The following CHP1 variants were observed in gnomAD, a reference collection of about 807,000 sequenced individuals.
CHP1 encodes the protein calcineurin like EF-hand protein 1, also known as calcineurin B homologous protein 1.
A neutral mutation model predicts 27.4 loss-of-function variants in CHP1; 11 were observed. The ratio of observed to expected loss-of-function variants is 0.40; its 90% CI spans 0.25 to 0.67. CHP1 has a LOEUF of 0.67. Among genes scored for constraint, CHP1 ranks in the 30% least tolerant of loss-of-function variants. CHP1 has a pLI of 0.38. For synonymous variants in CHP1, 89 were observed against 87.4 expected (o/e 1.02, Z -0.10); for missense variants, 169 against 251.3 (o/e 0.67, Z 2.22).
chr15:41,237,355 C>T lies in CHP1; in HGVS notation c.67+5906C>T, dbSNP rs1422308124. On this transcript the variant is annotated intron_variant, in intron 1 of 6. Coordinates refer to ENST00000334660, the MANE Select transcript of CHP1 (RefSeq NM_007236.5). ...TAGATACGAGGTTTTACCATGTTGG[C>T]CAGGCTGGTCTCGAACTCCTAACCT... Among the ~76,000 whole-genome samples, 3 of 151,998 alleles carry T rather than the reference C, an allele frequency of 2.0e-5. No individual in the cohort carries two copies. In the East Asian group the frequency reaches 5.8e-4, roughly 29 times the overall value.
At chr15:41,267,328 G>T (rs1280385078) in intron 4 of CHP1, among the ~76,000 whole-genome samples, 2 of 151,816 alleles carry the variant, frequency 1.3e-5, no homozygotes, top group Non-Finnish European at 2.9e-5. Flanking sequence ...TGTAGAAAAG[G>T]TTTAAATGAT....
chr15:41,251,016 G>T (rs1004656046), intron 2 of CHP1, among the ~76,000 whole-genome samples: 1 of 151,902 alleles, frequency 6.6e-6, no homozygotes, highest in Admixed American at 6.6e-5. Flanking sequence ...TTTATTTTTA[G>T]TAGAGACGGG....
intron 4 of CHP1, among the ~76,000 whole-genome samples, chr15:41,265,646 G>C (rs1402839353): frequency 5.9e-5 from 9 of 151,656 alleles, no homozygotes; most frequent in Non-Finnish European, 1.3e-4. Context: ...GGGGGGCAGA[G>C]GTTGCAGTTA....
chr15:41,254,155 C>T (rs1295460579), intron 2 of CHP1, among the ~76,000 whole-genome samples: 1 of 152,076 alleles, frequency 6.6e-6, no homozygotes. Flanking sequence ...ACTGGAACTA[C>T]ATTATATATA....
chr15:41,234,090 C>T (rs961139483), intron 1 of CHP1: 10 of 152,210 alleles, frequency 6.6e-5, no homozygotes, highest in Admixed American at 3.3e-4. Context: ...GCTAGGACTA[C>T]AGGCGCATAC....
chr15:41,261,066 A>AATTG (rs1158363447), intron 3 of CHP1, among the ~76,000 whole-genome samples: 3 of 151,452 alleles, frequency 2.0e-5, no homozygotes, highest in Admixed American at 2.0e-4. Flanking sequence ...TTGATTGATT[A>AATTG]ATTGATTGAT....
chr15:41,255,587 C>A (rs1044915023), intron 2 of CHP1, among the ~76,000 whole-genome samples: 6 of 152,082 alleles, frequency 3.9e-5, no homozygotes, highest in African/African-American at 1.4e-4. Context: ...GCAGTAGAAT[C>A]GCTTGAACCC....
At position 41,232,903 on chromosome 15, in the gene CHP1, AG is replaced by A. The variant is rs138767634; in HGVS notation, c.67+1457del. ...AACTTTCTGGAGTTTTCAAGTTGGA[AG>A]GGATGTTTTCTAGCCCCACCCCTTT... On this transcript the variant is annotated intron_variant, in intron 1 of 6. Transcript: ENST00000334660. Among the ~76,000 whole-genome samples the A allele has an allele frequency of 6.0e-3, 910 of 152,260 alleles. 5 individuals are homozygous for A. The highest frequency in any genetic ancestry group is 0.017 in the Middle Eastern group (5 of 294).
chr15:41,231,445 C>G lies in CHP1; in HGVS notation c.63C>G (p.Thr21=). Reference sequence around the variant, plus strand: ...AGCTCGAGGAGATCAAGAAGGAGACCGGCTGTGAGTTCGGGTTGGGGGTGG... The same window carrying G: ...AGCTCGAGGAGATCAAGAAGGAGACGGGCTGTGAGTTCGGGTTGGGGGTGG... ...DEELEEIKKE[T]GFSHSQITRL... The change falls in exon 1 of 7, where the codon ACC becomes ACG. Residue 21 remains threonine, a synonymous_variant. Coordinates refer to ENST00000334660, the MANE Select transcript of CHP1 (RefSeq NM_007236.5). The G allele has an allele frequency of 6.2e-7, 1 of 1,601,160 alleles. No individual in the cohort carries two copies. The highest frequency in any genetic ancestry group is 8.5e-7 in the Non-Finnish European group (1 of 1,175,224).
chr15:41,268,141 A>G (rs563890187), intron 4 of CHP1, among the ~76,000 whole-genome samples: 2 of 152,318 alleles, frequency 1.3e-5, no homozygotes, highest in African/African-American at 2.4e-5. Flanking sequence ...AGACGGGTGA[A>G]TAAACAAGAT....
intron 1 of CHP1, among the ~76,000 whole-genome samples, chr15:41,236,315 G>A (rs1402892420): frequency 6.6e-6 from 1 of 152,098 alleles, no homozygotes; most frequent in Non-Finnish European, 1.5e-5. Context: ...AGGCTGGAGT[G>A]CAATGGCATG....
At chr15:41,245,771 T>C (rs149266143) in intron 2 of CHP1, among the ~76,000 whole-genome samples, 1 of 152,326 alleles carries the variant, frequency 6.6e-6, no homozygotes, top group African/African-American at 2.4e-5. Flanking sequence ...TCACTCTCTT[T>C]GTAGTGTTCT....
chr15:41,279,231 C>T lies in CHP1; in HGVS notation c.535-105C>T, dbSNP rs1333050341. 19 of 876,542 alleles carry T rather than the reference C, an allele frequency of 2.2e-5. No homozygotes were observed. In the East Asian group the frequency reaches 3.9e-4, roughly 18 times the overall value. 54.3% of individuals were successfully genotyped at this position (876,542 alleles called of 1,614,324 possible). A position where few individuals can be genotyped will look rare whatever the true frequency, so the allele number is the denominator to read the frequency against. ...CCTCCAAAAAAAAAAAAAAAAGTTA[C>T]GTTTTACTGCACAGGAGGAAGGGGG... is the stretch of plus-strand genomic sequence containing the variant. On this transcript the variant is annotated intron_variant, in intron 6 of 6. Coordinates refer to ENST00000334660, the MANE Select transcript of CHP1 (RefSeq NM_007236.5).
At chr15:41,248,992 C>T (rs972084077) in intron 2 of CHP1, among the ~76,000 whole-genome samples, 1 of 152,120 alleles carries the variant, frequency 6.6e-6, no homozygotes, top group Non-Finnish European at 1.5e-5. Context: ...TCTTCTACCC[C>T]CTCTAGCCTT....
chr15:41,280,856 T>G lies in CHP1; in HGVS notation c.*1467T>G, dbSNP rs1327972187. 6.6e-6 allele frequency: 1 copy of G among 151,210 alleles called. No individual in the cohort carries two copies. Among genetic ancestry groups the G allele is most frequent in the Non-Finnish European group, 1.5e-5 (1 of 68,012 alleles). The allele number at this position is 151,210 out of a possible 1,614,324, so 9.4% of individuals were successfully genotyped here. The stretch of plus-strand genomic sequence containing the variant: ...ATTGTTTCCTTAGTGTCTTGAAGTT[T>G]TGCACAAAATTCTTTTTTTTGAGAT... On this transcript the variant is annotated 3_prime_UTR_variant, in exon 7 of 7. Transcript: ENST00000334660.
chr15:41,245,322 G>A (rs1182205465), intron 2 of CHP1, among the ~76,000 whole-genome samples: 3 of 150,488 alleles, frequency 2.0e-5, no homozygotes, highest in Admixed American at 6.6e-5. Flanking sequence ...TTAGCGTGGC[G>A]TGGTGGTGGG....
At chr15:41,278,214 TC>T (rs1040245707) in intron 5 of CHP1, among the ~76,000 whole-genome samples, 8 of 150,586 alleles carry the variant, frequency 5.3e-5, no homozygotes, top group African/African-American at 2.0e-4. Flanking sequence ...GCGCCTGTAA[TC>T]CTAGCTACGC....
At chr15:41,255,683 A>C (rs1185267306) in intron 2 of CHP1, among the ~76,000 whole-genome samples, 3 of 151,942 alleles carry the variant, frequency 2.0e-5, no homozygotes, top group Non-Finnish European at 4.4e-5. Flanking sequence ...AAATAAAAAT[A>C]AAGAATTTGG....
intron 3 of CHP1, among the ~76,000 whole-genome samples, chr15:41,259,444 G>A (rs765151589): frequency 3.3e-5 from 5 of 149,846 alleles, no homozygotes; most frequent in South Asian, 2.2e-4. Flanking sequence ...AGCAAGCTGC[G>A]ACTCTGCTTC....
Sources: gnomAD v4.1 joint callset for allele counts (sites outside exome capture counted in the v4.1 genomes callset) on GRCh38, gnomAD v4.1.1 for gene constraint, MANE v1.5 for transcripts, NCBI Gene and HGNC (gene_info 2026-07-23, HGNC 2026-07-21) for gene names.